The following PCBP2 variants were observed in gnomAD, a reference collection of about 807,000 sequenced individuals.
PCBP2 encodes poly(rC)-binding protein 2.
A neutral mutation model predicts 50.1 loss-of-function variants in PCBP2; 4 were observed. That is an observed-to-expected ratio of 0.08 (90% CI 0.04 to 0.18). PCBP2 has a LOEUF of 0.18. PCBP2 is among the 10% of genes least tolerant of loss of function. The pLI is 1.00. For synonymous variants in PCBP2, 179 were observed against 168.0 expected, an observed-to-expected ratio of 1.07 and a Z score of -0.51; for missense variants, 161 against 474.3, an observed-to-expected ratio of 0.34 and a Z score of 6.14.
intron 14 of PCBP2, among the ~76,000 whole-genome samples, chr12:53,473,335 G>A (rs1221606051): frequency 1.3e-5 from 2 of 150,336 alleles, no homozygotes; most frequent in Non-Finnish European, 3.0e-5. Flanking sequence ...CACCTGCCTC[G>A]GCCTCCCAAA....
Position 53,454,741 on chromosome 12 carries a change from C to T in PCBP2, c.-60C>T. ...TGCATTTTAGTTTTTGGCTTTCACC[C>T]CCAACCAGTGACCAAAGACTTGACC... is the stretch of plus-strand genomic sequence containing the variant. On this transcript the variant is annotated 5_prime_UTR_variant, in exon 2 of 15. Coordinates refer to ENST00000546463, the MANE Select transcript of PCBP2 (RefSeq NM_031989.5). The T allele has an allele frequency of 6.9e-7, 1 of 1,455,074 alleles. No individual in the cohort carries two copies. Among genetic ancestry groups the T allele is most frequent in the Non-Finnish European group, 9.7e-7 (1 of 1,036,178 alleles). The allele number at this position is 1,455,074 out of a possible 1,614,324, so 90.1% of individuals were successfully genotyped here. A position where few individuals can be genotyped will look rare whatever the true frequency, so the allele number is the denominator to read the frequency against.
chr12:53,468,876 CTGTAAAGAAATAGAT>C, intron 13 of PCBP2, 44 bp downstream of exon 13: 1 of 1,353,760 alleles, frequency 7.4e-7, no homozygotes, highest in Non-Finnish European at 1.1e-6. Context: ...AGAAAATAGA[CTGTAAAGAAATAGAT>C]GTCGTTTCAG....
At chr12:53,470,377 T>C (rs533804736) in intron 13 of PCBP2, among the ~76,000 whole-genome samples, 670 of 22,932 alleles carry the variant, frequency 0.029, 1 homozygote, top group African/African-American at 0.055. Flanking sequence ...ACTCCGTCTC[T>C]CAAAAAAAAA....
chr12:53,459,704 C>G (rs1941303826), intron 6 of PCBP2: 1 of 259,198 alleles, frequency 3.9e-6, no homozygotes, highest in African/African-American at 2.3e-5. Flanking sequence ...TTTCATGTCT[C>G]AAGGGATGAG....
chr12:53,455,599 G>A (rs1433598697), intron 4 of PCBP2, 106 bp downstream of exon 4: 13 of 1,206,070 alleles, frequency 1.1e-5, no homozygotes, highest in Non-Finnish European at 1.3e-5. Flanking sequence ...AGGGAAATAT[G>A]TATTTTTTTT....
chr12:53,479,162 G>GA (rs747202688), intron 14 of PCBP2, among the ~76,000 whole-genome samples: 2 of 152,176 alleles, frequency 1.3e-5, no homozygotes, highest in Non-Finnish European at 2.9e-5. Flanking sequence ...AACTAAAAGA[G>GA]AACATAGTTT....
intron 12 of PCBP2, chr12:53,468,121 G>GTA (rs1941944609): frequency 2.7e-6 from 1 of 372,164 alleles, no homozygotes; most frequent in African/African-American, 2.1e-5. Context: ...TTAAAGATGG[G>GTA]TACGGGTATT....
chr12:53,454,933 C>A, intron 2 of PCBP2, 64 bp downstream of exon 2: 1 of 1,339,608 alleles, frequency 7.5e-7, no homozygotes, highest in Non-Finnish European at 1.1e-6. Flanking sequence ...GAAGAGCAGA[C>A]ATGCATCTTG....
At chr12:53,472,641 A>C (rs144889036) in intron 14 of PCBP2, among the ~76,000 whole-genome samples, 43 of 152,258 alleles carry the variant, frequency 2.8e-4, no homozygotes, top group African/African-American at 1.0e-3. Context: ...CCTTTCTTAT[A>C]AGTGTTTAAT....
intron 13 of PCBP2, among the ~76,000 whole-genome samples, chr12:53,469,993 C>T (rs191361987): frequency 2.0e-5 from 3 of 151,990 alleles, no homozygotes; most frequent in Admixed American, 1.3e-4. Context: ...TGATCCCCCC[C>T]CTTCAGCCTC....
At chr12:53,468,722 C>T (rs1313173772) in intron 12 of PCBP2, 55 bp from the exon 13 acceptor site, 3 of 1,267,130 alleles carry the variant, frequency 2.4e-6, no homozygotes, top group Non-Finnish European at 3.5e-6. Flanking sequence ...ATGTGCAAGT[C>T]AGTGAGGTTT....
At chr12:53,464,056 C>T (rs2137060372) in intron 8 of PCBP2, among the ~76,000 whole-genome samples, 1 of 152,294 alleles carries the variant, frequency 6.6e-6, no homozygotes, top group African/African-American at 2.4e-5. Context: ...TCAAAGGGCT[C>T]TCAGTCTAGT....
intron 7 of PCBP2, 120 bp downstream of exon 7, chr12:53,461,263 GC>G: frequency 9.1e-7 from 1 of 1,104,404 alleles, no homozygotes. Flanking sequence ...TGGGGGTGGG[GC>G]TAAAAGGTTC....
At position 53,479,525 on chromosome 12, in the gene PCBP2, A is replaced by G. The variant is rs541977573; in HGVS notation, c.*83A>G. 26 of 1,225,636 alleles carry G rather than the reference A, an allele frequency of 2.1e-5. No homozygotes were observed. In the South Asian group the frequency reaches 3.2e-4, roughly 15 times the overall value. The allele number at this position is 1,225,636 out of a possible 1,614,324, so 75.9% of individuals were successfully genotyped here. A position where few individuals can be genotyped will look rare whatever the true frequency, so the allele number is the denominator to read the frequency against. On this transcript the variant is annotated 3_prime_UTR_variant, in exon 15 of 15. Coordinates refer to ENST00000546463, the MANE Select transcript of PCBP2 (RefSeq NM_031989.5). ...CTGTGTAGTTTCTGAACAGTCAGCG[A>G]TTCCAGGTTTTAAATAGTTTGTAAA... is the stretch of plus-strand genomic sequence containing the variant.
In PCBP2 at chr12:53,452,148, T is replaced by TCTCC. The variant is rs1592623490; in HGVS notation, c.-302_-299dup. The TCTCC allele has an allele frequency of 3.7e-5, 3 of 82,180 alleles. No individual in the cohort carries two copies. Among genetic ancestry groups the TCTCC allele is most frequent in the South Asian group, 3.0e-4 (1 of 3,338 alleles). The allele number at this position is 82,180 out of a possible 1,614,324, so 5.1% of individuals were successfully genotyped here. A position where few individuals can be genotyped will look rare whatever the true frequency, so the allele number is the denominator to read the frequency against. On this transcript the variant is annotated 5_prime_UTR_variant, in exon 1 of 15. Transcript: ENST00000546463. ...GCCGGAGCAGCCGCAGCCTGCGCCC[T>TCTCC]CTCCCGCCCGCCCGCCCTCCGCCCG... is the stretch of plus-strand genomic sequence containing the variant.
intron 8 of PCBP2, among the ~76,000 whole-genome samples, chr12:53,464,058 C>G (rs1941636263): frequency 6.6e-6 from 1 of 152,174 alleles, no homozygotes; most frequent in Non-Finnish European, 1.5e-5. Context: ...AAAGGGCTCT[C>G]AGTCTAGTTA....
chr12:53,452,718 G>A (rs1940647607), intron 1 of PCBP2: 1 of 152,038 alleles, frequency 6.6e-6, no homozygotes, highest in South Asian at 2.1e-4. Context: ...CCGGGCGGGT[G>A]AGCGCGGCTC....
intron 5 of PCBP2, among the ~76,000 whole-genome samples, chr12:53,458,086 G>C (rs1010779464): frequency 6.6e-6 from 1 of 150,970 alleles, no homozygotes; most frequent in Non-Finnish European, 1.5e-5. Flanking sequence ...CTACCACCAT[G>C]CCTGGCTAAT....
At chr12:53,475,040 T>G in intron 14 of PCBP2, 1 of 456,342 alleles carries the variant, frequency 2.2e-6, no homozygotes, top group Non-Finnish European at 4.4e-6. Context: ...CCAACCCTCT[T>G]CCGACCGCCC....
Sources: allele counts gnomAD v4.1 joint callset (sites outside exome capture counted in the v4.1 genomes callset), GRCh38; gene constraint gnomAD v4.1.1; transcripts MANE v1.5; gene names NCBI Gene and HGNC (gene_info 2026-07-23, HGNC 2026-07-21).